CUBN: variants seen among roughly 807,000 people sequenced by gnomAD.
CUBN encodes cubilin.
CUBN carries 282 observed loss-of-function variants against 405.3 expected under a neutral mutation model. The ratio of observed to expected loss-of-function variants is 0.70; its 90% CI spans 0.63 to 0.77. The LOEUF is 0.77. Ranked by LOEUF, CUBN falls within the 30% of genes least tolerant of loss-of-function variation. The probability of loss-of-function intolerance (pLI) is 0.00; values close to 1 mark genes in which losing one functional copy is unlikely to be tolerated. For missense variants in CUBN, 4,514 were observed against 4,475.2 expected (o/e 1.01, Z -0.25); for synonymous variants, 1,684 against 1,617.0 (o/e 1.04, Z -0.99).
chr10:16,954,314 G>A, intron 32 of CUBN, 75 bp downstream of exon 32: 1 of 1,514,784 alleles, frequency 6.6e-7, no homozygotes, highest in Non-Finnish European at 9.2e-7. Context: ...CTGAGCACAG[G>A]TCTCATTTCA....
At chr10:16,909,203 A>G (rs1841651734) in intron 48 of CUBN, among the ~76,000 whole-genome samples, 2 of 152,132 alleles carry the variant, frequency 1.3e-5, no homozygotes, top group Admixed American at 1.3e-4. Context: ...ATCTCTTTAA[A>G]TTTACTATAA....
intron 15 of CUBN, among the ~76,000 whole-genome samples, chr10:17,087,773 C>T (rs1481898747): frequency 1.3e-5 from 2 of 152,164 alleles, no homozygotes; most frequent in African/African-American, 2.4e-5. Context: ...CCACACCCGG[C>T]CTCTTCGTGG....
rs184852461 is a variant in CUBN, at chr10:16,958,566, T to C, written c.4696-4018A>G. Reference sequence around the variant, plus strand: ...TTCATGTGTCCCGGAATTCAAATTATATACCAATGACACCCCAAATGTGAT... The same window carrying C: ...TTCATGTGTCCCGGAATTCAAATTACATACCAATGACACCCCAAATGTGAT... On this transcript the variant is annotated intron_variant, in intron 31 of 66. Transcript: ENST00000377833. Among the ~76,000 whole-genome samples the C allele has an allele frequency of 1.9e-4, 29 of 152,312 alleles. No homozygotes were observed. In the Middle Eastern group the frequency reaches 0.02, roughly 107 times the overall value.
intron 15 of CUBN, among the ~76,000 whole-genome samples, chr10:17,087,341 T>TCCATATTTTC (rs1836132865): frequency 6.6e-6 from 1 of 152,078 alleles, no homozygotes; most frequent in African/African-American, 2.4e-5. Context: ...TTTCTCCTCC[T>TCCATATTTTC]CCATATTTTA....
At chr10:17,081,796 G>A (rs768652525) in intron 17 of CUBN, among the ~76,000 whole-genome samples, 1 of 152,156 alleles carries the variant, frequency 6.6e-6, no homozygotes, top group Non-Finnish European at 1.5e-5. Context: ...ACTAGAGTTT[G>A]ACCTTTGTGA....
In CUBN at chr10:17,129,686, T is replaced by A; in HGVS notation, c.80A>T (p.Glu27Val). ...TCTTTTTTGTCTCTGCAGCTCAAGTTCTCCAGCTTCGCCATTTACTTCAGC... is the reference window on the plus strand; with the variant it reads ...TCTTTTTTGTCTCTGCAGCTCAAGTACTCCAGCTTCGCCATTTACTTCAGC... ...IFAEVNGEAG[E>V]LELQRQKRSI... Residue 27 changes from glutamate (E) to valine (V), a missense_variant, in exon 1 of 67, where the codon GAA (glutamate) becomes GTA (valine). By Grantham distance (121) the Glu-to-Val change is moderately radical (BLOSUM62 -2). Coordinates refer to ENST00000377833, the MANE Select transcript of CUBN (RefSeq NM_001081.4). 1 of 1,614,104 alleles carries A rather than the reference T, an allele frequency of 6.2e-7. No homozygotes were observed. The highest frequency in any genetic ancestry group is 8.5e-7 in the Non-Finnish European group (1 of 1,179,982).
At chr10:16,914,109 C>A in intron 47 of CUBN, 117 bp from the exon 48 acceptor site, 1 of 1,094,732 alleles carries the variant, frequency 9.1e-7, no homozygotes, top group Admixed American at 2.0e-5. Flanking sequence ...AATTAGTCTC[C>A]ATATTTATTT....
rs1183898084 is a variant in CUBN at position 16,825,254 on chromosome 10, A to G, written c.10765-172T>C. ...AAAGAATGAATGCAAATGCTTTACA[A>G]AGGAATATTTCTGGGCGTGGGGAGT... is the stretch of plus-strand genomic sequence containing the variant. On this transcript the variant is annotated intron_variant, in intron 66 of 66. Coordinates refer to ENST00000377833, the MANE Select transcript of CUBN (RefSeq NM_001081.4). Among the ~76,000 whole-genome samples the G allele has an allele frequency of 2.6e-5, 4 of 152,180 alleles. No homozygotes were observed. The East Asian group carries it at 7.7e-4, about 29-fold the overall frequency.
intron 36 of CUBN, among the ~76,000 whole-genome samples, chr10:16,942,895 C>CAAGGGG (rs371505834): frequency 7.2e-6 from 1 of 138,598 alleles, no homozygotes; most frequent in African/African-American, 2.7e-5. Context: ...GAACGGAAGG[C>CAAGGGG]AAGGGGAAGG....
At chr10:16,912,258 C>T (rs1199034081) in intron 48 of CUBN, among the ~76,000 whole-genome samples, 2 of 152,262 alleles carry the variant, frequency 1.3e-5, no homozygotes, top group South Asian at 2.1e-4. Flanking sequence ...AAATTCACTA[C>T]CCAACAGGAG....
In CUBN at chr10:16,890,417, C is replaced by T. The variant is rs1046792367; in HGVS notation, c.8709G>A (p.Gln2903=). Residue 2903 remains glutamine (Q), a synonymous_variant, in exon 55 of 67, where the codon CAG becomes CAA. Coordinates refer to ENST00000377833, the MANE Select transcript of CUBN (RefSeq NM_001081.4). The part of the protein sequence containing the change: ...TPSNTFTAVF[Q]SQEAPAQGFS... ...AGCCCTGAGCTGGTGCCTCCTGAGACTGGAAGACGGCAGTGAATGTGTTAC... is the reference window on the plus strand; with the variant it reads ...AGCCCTGAGCTGGTGCCTCCTGAGATTGGAAGACGGCAGTGAATGTGTTAC... 1 of 1,613,916 alleles carries T rather than the reference C, an allele frequency of 6.2e-7. No homozygotes were observed. The highest frequency in any genetic ancestry group is 8.5e-7 in the Non-Finnish European group (1 of 1,180,040).
At chr10:16,900,555 A>G in intron 53 of CUBN, 70 bp downstream of exon 53, 1 of 1,188,704 alleles carries the variant, frequency 8.4e-7, no homozygotes, top group Non-Finnish European at 1.3e-6. Flanking sequence ...TAGGTACAAA[A>G]TGTACATATT....
At chr10:16,995,539 G>A (rs1287885042) in intron 28 of CUBN, among the ~76,000 whole-genome samples, 1 of 149,928 alleles carries the variant, frequency 6.7e-6, no homozygotes, top group East Asian at 2.0e-4. Context: ...TTGCTATATT[G>A]CCCAGGCTGG....
At chr10:17,076,725 T>C (rs982651019) in intron 17 of CUBN, among the ~76,000 whole-genome samples, 30 of 152,166 alleles carry the variant, frequency 2.0e-4, no homozygotes, top group African/African-American at 2.2e-4. Flanking sequence ...AATTTCCACA[T>C]AGAAGCTTTG....
chr10:17,115,406 TAGG>T, intron 7 of CUBN, 62 bp downstream of exon 7: 19 of 1,601,374 alleles, frequency 1.2e-5, no homozygotes, highest in East Asian at 2.2e-5. Flanking sequence ...GCAGTGGGCA[TAGG>T]AGGAGGAGGA....
intron 10 of CUBN, among the ~76,000 whole-genome samples, chr10:17,108,885 G>C (rs1440428595): frequency 1.3e-5 from 2 of 152,050 alleles, no homozygotes; most frequent in Non-Finnish European, 2.9e-5. Context: ...CAATCAGTAA[G>C]AAAGAAAGAG....
intron 47 of CUBN, among the ~76,000 whole-genome samples, chr10:16,914,828 C>T (rs921848710): frequency 2.3e-4 from 35 of 152,190 alleles, no homozygotes; most frequent in African/African-American, 8.4e-4. Context: ...CTCTTATTAT[C>T]TCTCTCGTGA....
intron 60 of CUBN, among the ~76,000 whole-genome samples, chr10:16,845,212 T>C (rs1273652870): frequency 2.6e-5 from 4 of 152,254 alleles, no homozygotes; most frequent in Non-Finnish European, 5.9e-5. Context: ...GAACTTTTAA[T>C]GCACAAGGGC....
intron 28 of CUBN, among the ~76,000 whole-genome samples, chr10:16,991,810 A>G (rs897497017): frequency 1.3e-5 from 2 of 152,188 alleles, no homozygotes; most frequent in African/African-American, 4.8e-5. Context: ...AAACTAGTTC[A>G]ACCATTGTGG....
Sources: allele counts gnomAD v4.1 joint callset (sites outside exome capture counted in the v4.1 genomes callset), GRCh38; gene constraint gnomAD v4.1.1; transcripts MANE v1.5; gene names NCBI Gene and HGNC (gene_info 2026-07-23, HGNC 2026-07-21).